The following FHIT variants were observed in gnomAD, a reference collection of about 807,000 sequenced individuals.
The protein encoded by FHIT is bis(5'-adenosyl)-triphosphatase.
In FHIT, 19 loss-of-function variants were observed where a neutral mutation model predicts 17.9. The observed-to-expected ratio is 1.06, with a 90% CI of 0.74 to 1.56. The LOEUF (loss-of-function observed/expected upper bound fraction) is 1.56. FHIT is among the 40% of genes most tolerant of loss of function. The pLI, the probability that FHIT is intolerant of heterozygous loss-of-function variation, is 0.00. For missense variants in FHIT, 248 were observed against 189.2 expected (o/e 1.31, Z -1.82); for synonymous variants, 81 against 69.7 (o/e 1.16, Z -0.81).
intron 5 of FHIT, among the ~76,000 whole-genome samples, chr3:60,530,550 G>C (rs975785146): frequency 6.6e-6 from 1 of 152,182 alleles, no homozygotes; most frequent in Non-Finnish European, 1.5e-5. Context: ...GGGAGAGGAA[G>C]AGACTAGCAA....
chr3:60,168,696 C>T (rs374332791), intron 5 of FHIT, among the ~76,000 whole-genome samples: 2 of 152,176 alleles, frequency 1.3e-5, no homozygotes, highest in African/African-American at 2.4e-5. Flanking sequence ...CATTATCCTG[C>T]GTTTCATCAA....
chr3:61,183,546 A>G lies in FHIT; in HGVS notation c.-164+17071T>C, dbSNP rs190660604. Among the ~76,000 whole-genome samples the G allele has an allele frequency of 1.6e-3, 242 of 152,320 alleles. 2 individuals carry two copies. The highest frequency in any genetic ancestry group is 0.014 in the Admixed American group (211 of 15,294). ...ATGCCTCCTTGTTACAAACTGTGCA[A>G]TCTTGGTCAACTTACCTAACCTCTC... On this transcript the variant is annotated intron_variant, in intron 2 of 9. Coordinates refer to ENST00000492590, the MANE Select transcript of FHIT (RefSeq NM_002012.4).
intron 5 of FHIT, among the ~76,000 whole-genome samples, chr3:60,108,595 G>T (rs999585592): frequency 6.6e-6 from 1 of 151,980 alleles, no homozygotes; most frequent in Non-Finnish European, 1.5e-5. Context: ...CTCCTAGCTC[G>T]ACAGATCATG....
intron 5 of FHIT, among the ~76,000 whole-genome samples, chr3:60,379,753 G>A (rs1700722645): frequency 6.6e-6 from 1 of 152,034 alleles, no homozygotes; most frequent in African/African-American, 2.4e-5. Context: ...GAAAAAAGGA[G>A]ATACCTAGTT....
At chr3:60,854,571 TC>T (rs1453521023) in intron 3 of FHIT, among the ~76,000 whole-genome samples, 3 of 151,128 alleles carry the variant, frequency 2.0e-5, no homozygotes, top group African/African-American at 4.9e-5. Context: ...TTTTTTTTTT[TC>T]CTCTGCTGTC....
chr3:60,885,530 C>T (rs1465563458), intron 3 of FHIT, among the ~76,000 whole-genome samples: 3 of 152,044 alleles, frequency 2.0e-5, no homozygotes, highest in Admixed American at 1.3e-4. Flanking sequence ...TCATGTCATG[C>T]CTTGGCCTAA....
At chr3:60,305,736 G>T (rs75541095) in intron 5 of FHIT, among the ~76,000 whole-genome samples, 16,229 of 152,116 alleles carry the variant, frequency 0.11, 937 homozygotes, top group Non-Finnish European at 0.12. Context: ...TTCTCAGAAT[G>T]CAGTGCAATA....
At chr3:61,134,303 G>C (rs1412176948) in intron 2 of FHIT, among the ~76,000 whole-genome samples, 2 of 152,104 alleles carry the variant, frequency 1.3e-5, no homozygotes, top group Non-Finnish European at 2.9e-5. Flanking sequence ...GCTGAAAACA[G>C]TGATGAAAAC....
At chr3:60,684,216 T>G (rs1326397127) in intron 4 of FHIT, among the ~76,000 whole-genome samples, 1 of 152,134 alleles carries the variant, frequency 6.6e-6, no homozygotes, top group Non-Finnish European at 1.5e-5. Flanking sequence ...CTTGCCACTT[T>G]CAGCTTCTGG....
At chr3:60,975,203 G>A (rs952122119) in intron 3 of FHIT, among the ~76,000 whole-genome samples, 1 of 152,130 alleles carries the variant, frequency 6.6e-6, no homozygotes, top group Non-Finnish European at 1.5e-5. Flanking sequence ...TGCAGGGCCA[G>A]AACTTTAAAT....
At chr3:60,363,478 T>C (rs1323098636) in intron 5 of FHIT, among the ~76,000 whole-genome samples, 1 of 152,212 alleles carries the variant, frequency 6.6e-6, no homozygotes, top group Non-Finnish European at 1.5e-5. Context: ...TTGCTTTATA[T>C]GGATCTCATT....
chr3:60,838,426 C>T (rs982678800), intron 3 of FHIT, among the ~76,000 whole-genome samples: 12 of 152,046 alleles, frequency 7.9e-5, no homozygotes, highest in Non-Finnish European at 1.5e-4. Context: ...GAGTCGAGAT[C>T]GCGCCACCGC....
At chr3:60,290,843 T>G (rs367771038) in intron 5 of FHIT, among the ~76,000 whole-genome samples, 2 of 152,092 alleles carry the variant, frequency 1.3e-5, no homozygotes, top group East Asian at 1.9e-4. Flanking sequence ...GACAGAGGAC[T>G]TGGGGTGGGA....
chr3:61,058,109 G>A (rs2034289899), intron 2 of FHIT, among the ~76,000 whole-genome samples: 1 of 152,086 alleles, frequency 6.6e-6, no homozygotes, highest in African/African-American at 2.4e-5. Context: ...AGGATTCACT[G>A]AGATAATCCT....
At chr3:60,602,908 C>T (rs1038402968) in intron 4 of FHIT, among the ~76,000 whole-genome samples, 1 of 152,108 alleles carries the variant, frequency 6.6e-6, no homozygotes, top group South Asian at 2.1e-4. Flanking sequence ...AGAAAGCAAG[C>T]CTTTGCCAGA....
chr3:60,393,999 G>T (rs1440939636), intron 5 of FHIT, among the ~76,000 whole-genome samples: 1 of 152,126 alleles, frequency 6.6e-6, no homozygotes, highest in Non-Finnish European at 1.5e-5. Flanking sequence ...AGCAAACTCT[G>T]GAGAATGGAC....
intron 2 of FHIT, among the ~76,000 whole-genome samples, chr3:61,080,740 C>T (rs1044972266): frequency 2.0e-5 from 3 of 151,788 alleles, no homozygotes; most frequent in East Asian, 1.9e-4. Flanking sequence ...ATTTTTCTTT[C>T]GGTGCCAAAA....
intron 4 of FHIT, among the ~76,000 whole-genome samples, chr3:60,687,002 G>C (rs1445607396): frequency 2.0e-5 from 3 of 152,184 alleles, no homozygotes; most frequent in African/African-American, 7.2e-5. Flanking sequence ...GACTACATGG[G>C]AAGCAGAAAT....
chr3:59,854,806 A>C (rs1433538407), intron 8 of FHIT, among the ~76,000 whole-genome samples: 2 of 86,866 alleles, frequency 2.3e-5, no homozygotes, highest in African/African-American at 7.3e-5. Context: ...AAGTGAGCAG[A>C]GAGAGAGGAG....
Sources: gnomAD v4.1 joint callset for allele counts (sites outside exome capture counted in the v4.1 genomes callset) on GRCh38, gnomAD v4.1.1 for gene constraint, MANE v1.5 for transcripts, NCBI Gene and HGNC (gene_info 2026-07-23, HGNC 2026-07-21) for gene names.